PSG8: variants seen among roughly 807,000 people sequenced by gnomAD.
PSG8 encodes pregnancy specific beta-1-glycoprotein 8, also known as pregnancy-specific beta-1-glycoprotein 8.
A neutral mutation model predicts 42.5 loss-of-function variants in PSG8; 57 were observed. The observed-to-expected ratio is 1.34, with a 90% CI of 1.08 to 1.67. The LOEUF (loss-of-function observed/expected upper bound fraction) is 1.67. PSG8 is among the 40% of genes most tolerant of loss of function. The pLI is 0.00. For synonymous variants in PSG8, 280 were observed against 196.8 expected, an observed-to-expected ratio of 1.42 and a Z score of -3.54; for missense variants, 783 against 518.6, an observed-to-expected ratio of 1.51 and a Z score of -4.95.
intron 3 of PSG8, among the ~76,000 whole-genome samples, chr19:42,756,595 A>G (rs1969933246): frequency 1.3e-5 from 2 of 152,068 alleles, no homozygotes; most frequent in South Asian, 2.1e-4. Context: ...CAAAAGTGGG[A>G]GGTGATAAGC....
In PSG8 at chr19:42,763,534, G is replaced by T. The variant is rs564225205; in HGVS notation, c.430+382C>A. On this transcript the variant is annotated intron_variant, in intron 2 of 4. Coordinates refer to ENST00000306511, the MANE Select transcript of PSG8 (RefSeq NM_182707.3). ...TTAGGGACACTGTTCTGGGGGTGAG[G>T]CTTCTAGGGCTGAGCTTCTCTGAGA... Among the ~76,000 whole-genome samples the T allele has an allele frequency of 5.2e-4, 79 of 152,258 alleles. 1 individual carries two copies. The highest frequency in any genetic ancestry group is 1.4e-3 in the Admixed American group (21 of 15,300).
At chr19:42,754,842 T>A in intron 4 of PSG8, 146 bp downstream of exon 4, 1 of 1,509,458 alleles carries the variant, frequency 6.6e-7, no homozygotes, top group Non-Finnish European at 8.9e-7. Flanking sequence ...TACCCAGGTT[T>A]TCCCAGGGCA....
At chr19:42,758,749 T>G (rs562366136) in intron 2 of PSG8, 1 of 178,034 alleles carries the variant, frequency 5.6e-6, no homozygotes, top group South Asian at 1.3e-4. Flanking sequence ...TTTAAACCCT[T>G]TGGGTACTGG....
At chr19:42,754,009 C>G (rs1490792544), downstream of PSG8, 1 of 796,506 alleles carries the variant, frequency 1.3e-6, no homozygotes. Context: ...AAAATTCCGT[C>G]AATGTAGAAA....
chr19:42,756,848 G>A lies in PSG8; in HGVS notation c.709+1154C>T, dbSNP rs912478794. On this transcript the variant is annotated intron_variant, in intron 3 of 4. Transcript: ENST00000306511. ...ATAAGAGCCTGTCAGGTGAGATTTAGGACAGTGTTTTCTAATTCTGCAAAA... is the reference window on the plus strand; with the variant it reads ...ATAAGAGCCTGTCAGGTGAGATTTAAGACAGTGTTTTCTAATTCTGCAAAA... 5.9e-5 allele frequency among the ~76,000 whole-genome samples: 9 copies of A among 151,650 alleles called. No homozygotes were observed. The South Asian group carries it at 6.3e-4, about 11-fold the overall frequency.
downstream of PSG8, chr19:42,754,207 G>C (rs1600404087): frequency 1.9e-6 from 3 of 1,567,554 alleles, no homozygotes; most frequent in East Asian, 6.7e-5. Flanking sequence ...TTTAGGAGGA[G>C]AATTTGGGAT....
rs376766494 is a variant in PSG8 at position 42,761,922 on chromosome 19, T to G, written c.430+1994A>C. On this transcript the variant is annotated intron_variant, in intron 2 of 4. Transcript: ENST00000306511. ...GAGGAACTGCCTATCCCTGTCCCAT[T>G]GTCTTGTCCACAGGTCAGCCTCACA... Among the ~76,000 whole-genome samples the G allele has an allele frequency of 1.9e-3, 271 of 141,182 alleles. 5 individuals are homozygous for G. The South Asian group carries it at 0.028, about 14-fold the overall frequency. The allele number at this position is 141,182 out of a possible 152,430, so 92.6% of individuals were successfully genotyped here. A position where few individuals can be genotyped will look rare whatever the true frequency, so the allele number is the denominator to read the frequency against.
rs777263751 is a variant in PSG8 at position 42,758,108 on chromosome 19, G to T, written c.603C>A (p.Thr201=). ...ACTTTGTGACACCCAATAGAAAGAG[G>T]GTCCTGTTGGTTTCAGACAACTGCA... ...HRLQLSETNR[T]LFLLGVTKYT... is the part of the protein sequence containing the mutation. The change falls in exon 3 of 5, where the codon ACC becomes ACA. Residue 201 remains threonine (T), a synonymous_variant. Transcript: ENST00000306511. The T allele has an allele frequency of 1.7e-5, 28 of 1,613,866 alleles. No homozygotes were observed. The highest frequency in any genetic ancestry group is 2.2e-5 in the South Asian group (2 of 91,070).
Position 42,754,560 on chromosome 19 carries a change from G to T in PSG8, c.1016C>A (p.Pro339His), listed in dbSNP as rs1969866584. ...LYGPDLPRIY[P>H]SFTYYRSGEV... ...TCCTGAACGGTAATAGGTGAATGAA[G>T]GGTAAATTCTGGGGAGGTCTGGACC... The change falls in exon 5 of 5, where the codon CCT becomes CAT. Residue 339 changes from proline (P) to histidine (H), a missense_variant. By Grantham distance (77) the Pro-to-His change is moderately conservative. Coordinates refer to ENST00000306511, the MANE Select transcript of PSG8 (RefSeq NM_182707.3). The T allele has an allele frequency of 6.2e-7, 1 of 1,613,544 alleles. No homozygotes were observed. Among genetic ancestry groups the T allele is most frequent in the East Asian group, 2.2e-5 (1 of 44,866 alleles).
chr19:42,758,491 T>C (rs1969990753), intron 2 of PSG8: 2 of 1,112,896 alleles, frequency 1.8e-6, no homozygotes, highest in Non-Finnish European at 2.5e-6. Context: ...ACAGACTTTC[T>C]CAAGTGTGAA....
intron 3 of PSG8, 88 bp downstream of exon 3, chr19:42,757,914 T>G: frequency 6.2e-7 from 1 of 1,613,362 alleles, no homozygotes; most frequent in Non-Finnish European, 8.5e-7. Flanking sequence ...TCTCTGTACT[T>G]GGACCTGAGA....
At chr19:42,762,670 C>G (rs891344585) in intron 2 of PSG8, among the ~76,000 whole-genome samples, 7 of 151,906 alleles carry the variant, frequency 4.6e-5, no homozygotes, top group African/African-American at 1.7e-4. Flanking sequence ...CTTTGGGAAA[C>G]ACAGGATTTC....
downstream of PSG8, chr19:42,754,202 G>A (rs868511355): frequency 6.4e-6 from 10 of 1,564,082 alleles, no homozygotes; most frequent in South Asian, 1.2e-5. Flanking sequence ...GAGGGTTTAG[G>A]AGGAGAATTT....
chr19:42,764,433 C>T (rs758267505), intron 1 of PSG8, 152 bp from the exon 2 acceptor site: 18 of 1,365,740 alleles, frequency 1.3e-5, no homozygotes, highest in Middle Eastern at 2.6e-4. Flanking sequence ...CACACAAAAG[C>T]GGCATGTGTG....
chr19:42,762,152 G>A (rs1211704719), intron 2 of PSG8, among the ~76,000 whole-genome samples: 4 of 151,776 alleles, frequency 2.6e-5, no homozygotes, highest in East Asian at 1.9e-4. Flanking sequence ...TCTGGGGAAG[G>A]CCTAGGGGTG....
rs116682333 is a variant in PSG8 at position 42,754,427 on chromosome 19, T to A, written c.1149A>T (p.Gln383His). 4.5e-5 allele frequency: 73 copies of A among 1,613,660 alleles called. No homozygotes were observed. Among genetic ancestry groups the A allele is most frequent in the East Asian group, 4.2e-4 (19 of 44,884 alleles). Residue 383 changes from glutamine (Q) to histidine (H), a missense_variant, in exon 5 of 5, where the codon CAA becomes CAT. Coordinates refer to ENST00000306511, the MANE Select transcript of PSG8 (RefSeq NM_182707.3). ...AGAGCCCGCTATGCTTTGTAGTAAT[T>A]TGGGGGATAAAGAGCTTTTGTCCTG... is the stretch of plus-strand genomic sequence containing the variant. ...QLSGQKLFIPQITTKHSGLYA... is the reference protein window; with the variant it reads ...QLSGQKLFIPHITTKHSGLYA...
rs758282702 is a variant in PSG8, at chr19:42,758,173, A to G, written c.538T>C (p.Trp180Arg). Residue 180 changes from tryptophan (W) to arginine (R), a missense_variant, in exon 3 of 5, where the codon TGG becomes CGG. Transcript: ENST00000306511. The part of the protein sequence containing the change: ...DPETPDASYL[W>R]WMNGQSLPMS... ...GGGAGGCTCTGACCATTCATCCACC[A>G]CAGGTAGCTTGCGTCCGGAGTCTCA... is the stretch of plus-strand genomic sequence containing the variant. 1.2e-6 allele frequency: 2 copies of G among 1,613,868 alleles called. No individual in the cohort carries two copies. The highest frequency in any genetic ancestry group is 1.3e-5 in the African/African-American group (1 of 74,890).
rs1600405340 is a variant in PSG8 at position 42,754,593 on chromosome 19, G to A, written c.989-6C>T. 1 of 1,609,706 alleles carries A rather than the reference G, an allele frequency of 6.2e-7. No individual in the cohort carries two copies. On this transcript the variant is annotated splice_region_variant and splice_polypyrimidine_tract_variant and intron_variant, in intron 4 of 4. Coordinates refer to ENST00000306511, the MANE Select transcript of PSG8 (RefSeq NM_182707.3). ...TCTGGGGAGGTCTGGACCATCTGGA[G>A]CAAAGAGAATAAAGCCACAGGTGAT...
intron 3 of PSG8, among the ~76,000 whole-genome samples, chr19:42,756,696 C>A (rs774994727): frequency 2.6e-5 from 4 of 152,002 alleles, no homozygotes; most frequent in Non-Finnish European, 5.9e-5. Context: ...ATGCCTCACT[C>A]GTATATTTTT....
Sources: allele counts gnomAD v4.1 joint callset (sites outside exome capture counted in the v4.1 genomes callset), GRCh38; gene constraint gnomAD v4.1.1; transcripts MANE v1.5; gene names NCBI Gene and HGNC (gene_info 2026-07-23, HGNC 2026-07-21).